Variants in SYNE3 observed in about 807,000 individuals in gnomAD.
The protein encoded by SYNE3 is spectrin repeat containing nuclear envelope family member 3, also known as nesprin-3.
SYNE3 carries 100 observed loss-of-function variants against 111.2 expected under a neutral mutation model. That is an observed-to-expected ratio of 0.90 (90% CI 0.77 to 1.06). SYNE3 has a LOEUF of 1.06. Among genes scored for constraint, SYNE3 ranks in the 50% least tolerant of loss-of-function variants. SYNE3 has a pLI of 0.00. For synonymous variants in SYNE3, 547 were observed against 533.9 expected (o/e 1.02, Z -0.34); for missense variants, 1,160 against 1,240.3 (o/e 0.94, Z 0.97).
At position 95,481,656 on chromosome 14, in the gene SYNE3, C is replaced by T. The variant is rs916482843; in HGVS notation, c.-14-5821G>A. Reference sequence around the variant, plus strand: ...ATAGGGGAGCCGGGACAATGCAGCCCGCAGGGGGTCAGCTCTCCTGTGACC... The same window carrying T: ...ATAGGGGAGCCGGGACAATGCAGCCTGCAGGGGGTCAGCTCTCCTGTGACC... On this transcript the variant is annotated intron_variant, in intron 1 of 17. Coordinates refer to ENST00000682763, the MANE Select transcript of SYNE3 (RefSeq NM_152592.6). Among the ~76,000 whole-genome samples, 13 of 152,162 alleles carry T rather than the reference C, an allele frequency of 8.5e-5. No individual in the cohort carries two copies. In the South Asian group the frequency reaches 1.5e-3, roughly 17 times the overall value.
intron 1 of SYNE3, among the ~76,000 whole-genome samples, chr14:95,498,581 A>G (rs1890196959): frequency 6.6e-6 from 1 of 152,276 alleles, no homozygotes; most frequent in Non-Finnish European, 1.5e-5. Flanking sequence ...TATTAAGTCC[A>G]GCATTCAAGT....
Position 95,414,884 on chromosome 14 carries a change from C to T in SYNE3, c.*2942G>A, listed in dbSNP as rs12882488. On this transcript the variant is annotated 3_prime_UTR_variant, in exon 18 of 18. Coordinates refer to ENST00000682763, the MANE Select transcript of SYNE3 (RefSeq NM_152592.6). ...GGAAGCACCAGTAACTGGGCTGTTACGTTATATTACAAGTATATTTATATG... is the reference window on the plus strand; with the variant it reads ...GGAAGCACCAGTAACTGGGCTGTTATGTTATATTACAAGTATATTTATATG... 0.17 allele frequency: 25,199 copies of T among 152,034 alleles called. 2,405 individuals carry two copies. The highest frequency in any genetic ancestry group is 0.26 in the Middle Eastern group (75 of 294). The allele number at this position is 152,034 out of a possible 1,614,324, so 9.4% of individuals were successfully genotyped here.
chr14:95,422,475 C>A (rs367775052), intron 17 of SYNE3, among the ~76,000 whole-genome samples: 1 of 152,174 alleles, frequency 6.6e-6, no homozygotes, highest in Non-Finnish European at 1.5e-5. Flanking sequence ...TACTATCCCA[C>A]GTGGCATTTC....
At chr14:95,425,615 T>C (rs1487140380) in intron 17 of SYNE3, among the ~76,000 whole-genome samples, 2 of 152,174 alleles carry the variant, frequency 1.3e-5, no homozygotes, top group Non-Finnish European at 2.9e-5. Context: ...TAACAATGTA[T>C]CAACTGGTTC....
intron 1 of SYNE3, among the ~76,000 whole-genome samples, chr14:95,489,048 A>G (rs529417548): frequency 3.3e-4 from 51 of 152,294 alleles, no homozygotes; most frequent in Admixed American, 3.1e-3. Flanking sequence ...CTGATGGCTA[A>G]GGGGGTGAGC....
intron 8 of SYNE3, among the ~76,000 whole-genome samples, chr14:95,446,797 C>G (rs111391446): frequency 5.9e-5 from 9 of 152,330 alleles, no homozygotes; most frequent in African/African-American, 1.9e-4. Flanking sequence ...CCAGGCCCTA[C>G]CTCCTCCAGG....
intron 10 of SYNE3, among the ~76,000 whole-genome samples, 186 bp from the exon 11 acceptor site, chr14:95,443,475 G>A (rs1886524573): frequency 6.6e-6 from 1 of 152,126 alleles, no homozygotes; most frequent in Non-Finnish European, 1.5e-5. Flanking sequence ...TCTCAGGGCT[G>A]GAGAGATTTT....
intron 2 of SYNE3, among the ~76,000 whole-genome samples, chr14:95,474,069 G>T (rs987478946): frequency 2.7e-5 from 4 of 150,652 alleles, no homozygotes; most frequent in Non-Finnish European, 5.9e-5. Flanking sequence ...TGGAGCTAAG[G>T]CTGGTGTGAG....
chr14:95,513,737 T>TTATATACATA (rs1555359765), intron 1 of SYNE3, among the ~76,000 whole-genome samples: 2 of 92,506 alleles, frequency 2.2e-5, no homozygotes, highest in South Asian at 4.3e-4. Context: ...GCTGCTTAGA[T>TTATATACATA]TATATATATA....
intron 16 of SYNE3, among the ~76,000 whole-genome samples, chr14:95,432,980 G>A (rs937451082): frequency 1.4e-4 from 21 of 152,150 alleles, no homozygotes; most frequent in Non-Finnish European, 2.2e-4. Flanking sequence ...CAGGGCCCTC[G>A]GCTTGGGAGA....
At chr14:95,513,137 C>T (rs1890781419) in intron 1 of SYNE3, among the ~76,000 whole-genome samples, 1 of 152,170 alleles carries the variant, frequency 6.6e-6, no homozygotes, top group Non-Finnish European at 1.5e-5. Context: ...AAGTGATCTC[C>T]TTTGTAACTG....
chr14:95,433,513 G>A (rs1885912917), intron 15 of SYNE3, 104 bp from the exon 16 acceptor site: 2 of 1,483,118 alleles, frequency 1.3e-6, no homozygotes, highest in Non-Finnish European at 1.8e-6. Context: ...AGACAGGTAG[G>A]CAGGGAGGAG....
At chr14:95,452,477 G>A (rs1338370902) in intron 6 of SYNE3, 94 bp from the exon 7 acceptor site, 17 of 1,414,778 alleles carry the variant, frequency 1.2e-5, no homozygotes, top group Admixed American at 2.5e-5. Flanking sequence ...GTGGAGGTGG[G>A]CTAGGCTAGG....
chr14:95,425,552 T>C (rs1017415348), intron 17 of SYNE3, among the ~76,000 whole-genome samples: 3 of 152,192 alleles, frequency 2.0e-5, no homozygotes, highest in Non-Finnish European at 2.9e-5. Context: ...TCCACACCCA[T>C]AGGTTGTACA....
intron 1 of SYNE3, among the ~76,000 whole-genome samples, 117 bp downstream of exon 1, chr14:95,516,479 G>T (rs1330912789): frequency 6.6e-6 from 1 of 151,624 alleles, no homozygotes; most frequent in African/African-American, 2.4e-5. Flanking sequence ...GACTTTCGGC[G>T]CCCCCGATTC....
chr14:95,486,275 C>T (rs1379849708), intron 1 of SYNE3, among the ~76,000 whole-genome samples: 1 of 152,096 alleles, frequency 6.6e-6, no homozygotes, highest in Non-Finnish European at 1.5e-5. Context: ...GGATGTCTGA[C>T]CCCTGGTCCC....
intron 2 of SYNE3, among the ~76,000 whole-genome samples, chr14:95,474,634 C>T (rs899017650): frequency 6.6e-6 from 1 of 152,166 alleles, no homozygotes; most frequent in Non-Finnish European, 1.5e-5. Context: ...CTGGATGAGG[C>T]GGTGACACTG....
At chr14:95,491,775 A>T (rs1377623967) in intron 1 of SYNE3, among the ~76,000 whole-genome samples, 7 of 61,080 alleles carry the variant, frequency 1.1e-4, no homozygotes, top group African/African-American at 5.3e-4. Context: ...AAAAATGTTA[A>T]AAAAAAAAAA....
chr14:95,455,609 A>G lies in SYNE3; in HGVS notation c.905T>C (p.Leu302Pro), dbSNP rs978365953. The G allele has an allele frequency of 6.2e-7, 1 of 1,614,074 alleles. No homozygotes were observed. Among genetic ancestry groups the G allele is most frequent in the Non-Finnish European group, 8.5e-7 (1 of 1,180,006 alleles). Reference sequence around the variant, plus strand: ...CTCCAGAACTTTCCTCATCTCTTCCAGTTCTCCGGTGATCTTCTCTGCACC... The same window carrying G: ...CTCCAGAACTTTCCTCATCTCTTCCGGTTCTCCGGTGATCTTCTCTGCACC... ...PLGAEKITGE[L>P]EEMRKVLEKL... Residue 302 changes from leucine to proline, a missense_variant, in exon 6 of 18, where the codon CTG (leucine) becomes CCG (proline). Transcript: ENST00000682763.
Sources: allele counts gnomAD v4.1 joint callset (sites outside exome capture counted in the v4.1 genomes callset), GRCh38; gene constraint gnomAD v4.1.1; transcripts MANE v1.5; gene names NCBI Gene and HGNC (gene_info 2026-07-23, HGNC 2026-07-21).